Variants in CTNNA2 observed in about 807,000 individuals in gnomAD.
The protein encoded by CTNNA2 is catenin alpha-2.
A neutral mutation model predicts 101.0 loss-of-function variants in CTNNA2; 42 were observed. The observed-to-expected ratio is 0.42, with a 90% CI of 0.32 to 0.54. The LOEUF is 0.54. Ranked by LOEUF, CTNNA2 falls within the 20% of genes least tolerant of loss-of-function variation. The probability of loss-of-function intolerance (pLI) is 0.14; values close to 1 mark genes in which losing one functional copy is unlikely to be tolerated. For synonymous variants in CTNNA2, 450 were observed against 456.4 expected (o/e 0.99, Z 0.18); for missense variants, 871 against 1,223.1 (o/e 0.71, Z 4.29).
chr2:79,960,590 C>T (rs781114722), intron 7 of CTNNA2, among the ~76,000 whole-genome samples: 5 of 152,142 alleles, frequency 3.3e-5, no homozygotes, highest in African/African-American at 1.2e-4. Flanking sequence ...ATGCATCTTC[C>T]GTTAAAAGGT....
chr2:79,233,180 A>G (rs1674517661), intron 2 of CTNNA2, among the ~76,000 whole-genome samples: 1 of 152,126 alleles, frequency 6.6e-6, no homozygotes, highest in African/African-American at 2.4e-5. Context: ...TAACCTCTTG[A>G]TAAAGGTGTT....
chr2:79,442,847 G>C (rs546579461), intron 4 of CTNNA2, among the ~76,000 whole-genome samples: 7 of 152,106 alleles, frequency 4.6e-5, no homozygotes, highest in Admixed American at 2.0e-4. Context: ...AATGACTACT[G>C]TCAGGGCTTG....
chr2:79,826,634 G>T (rs1678458361), intron 3 of CTNNA2, among the ~76,000 whole-genome samples: 1 of 152,314 alleles, frequency 6.6e-6, no homozygotes, highest in South Asian at 2.1e-4. Context: ...ACAGAAAAAT[G>T]TATGTATGTT....
intron 2 of CTNNA2, among the ~76,000 whole-genome samples, chr2:79,729,008 C>A (rs1314489881): frequency 6.6e-6 from 1 of 151,890 alleles, no homozygotes; most frequent in Non-Finnish European, 1.5e-5. Context: ...AGTCAGGTAG[C>A]GTGATGCTAT....
chr2:79,287,135 G>A (rs1012633730), intron 2 of CTNNA2, among the ~76,000 whole-genome samples: 2 of 151,990 alleles, frequency 1.3e-5, no homozygotes, highest in Admixed American at 1.3e-4. Flanking sequence ...CTCTGTATTG[G>A]TTATTCTAGT....
At chr2:80,310,927 C>T (rs1677507955) in intron 7 of CTNNA2, among the ~76,000 whole-genome samples, 1 of 148,058 alleles carries the variant, frequency 6.8e-6, no homozygotes, top group Non-Finnish European at 1.5e-5. Context: ...GATCTGAGAT[C>T]GCGCTACTGC....
At chr2:79,187,379 G>A (rs1221011715) in intron 1 of CTNNA2, among the ~76,000 whole-genome samples, 1 of 150,044 alleles carries the variant, frequency 6.7e-6, no homozygotes, top group Non-Finnish European at 1.5e-5. Flanking sequence ...AAGCAATTCA[G>A]TGCAGTGGCG....
chr2:79,605,966 T>A (rs1366962201), intron 1 of CTNNA2, among the ~76,000 whole-genome samples: 2 of 151,494 alleles, frequency 1.3e-5, no homozygotes, highest in African/African-American at 4.9e-5. Flanking sequence ...AAGAGAGAAA[T>A]CAGTGGAATT....
At chr2:80,146,619 T>C (rs1276952281) in intron 7 of CTNNA2, among the ~76,000 whole-genome samples, 1 of 151,260 alleles carries the variant, frequency 6.6e-6, no homozygotes, top group Non-Finnish European at 1.5e-5. Flanking sequence ...CACGAGACTC[T>C]CACTTTAACT....
At chr2:79,402,407 G>T (rs566558484) in intron 4 of CTNNA2, among the ~76,000 whole-genome samples, 3 of 151,766 alleles carry the variant, frequency 2.0e-5, no homozygotes, top group African/African-American at 4.8e-5. Flanking sequence ...ACTCCCAGTG[G>T]TTGCCTGAAA....
intron 2 of CTNNA2, among the ~76,000 whole-genome samples, chr2:79,258,219 A>AT (rs1351342858): frequency 2.6e-5 from 4 of 152,072 alleles, no homozygotes; most frequent in South Asian, 4.1e-4. Context: ...GCCAAGCAGA[A>AT]TTTTTTTTCA....
chr2:80,224,557 G>C (rs997904253), intron 7 of CTNNA2, among the ~76,000 whole-genome samples: 1 of 152,054 alleles, frequency 6.6e-6, no homozygotes, highest in Non-Finnish European at 1.5e-5. Flanking sequence ...CGATTCTCCT[G>C]CCTCAGCCTC....
chr2:80,626,762 C>A (rs570889370), intron 18 of CTNNA2, among the ~76,000 whole-genome samples: 4 of 151,940 alleles, frequency 2.6e-5, no homozygotes, highest in African/African-American at 9.7e-5. Context: ...ATGTGCAGAA[C>A]GTACAGGTTT....
chr2:79,640,208 GAA>G (rs1211259726), intron 1 of CTNNA2, among the ~76,000 whole-genome samples: 1 of 152,090 alleles, frequency 6.6e-6, no homozygotes, highest in Non-Finnish European at 1.5e-5. Flanking sequence ...TCAGAGAAAA[GAA>G]AAGTCACTAG....
At chr2:79,939,905 C>A (rs1272894675) in intron 7 of CTNNA2, among the ~76,000 whole-genome samples, 1 of 152,060 alleles carries the variant, frequency 6.6e-6, no homozygotes, top group Non-Finnish European at 1.5e-5. Flanking sequence ...CCAGCCTGAC[C>A]AACAGGGAGA....
At chr2:80,540,261 G>A (rs1558565665) in intron 9 of CTNNA2, among the ~76,000 whole-genome samples, 1 of 152,106 alleles carries the variant, frequency 6.6e-6, no homozygotes, top group Non-Finnish European at 1.5e-5. Flanking sequence ...AGTTTCTGAT[G>A]TTGTAACAGA....
At chr2:80,409,831 G>T (rs1418751975) in intron 8 of CTNNA2, among the ~76,000 whole-genome samples, 1 of 152,088 alleles carries the variant, frequency 6.6e-6, no homozygotes, top group African/African-American at 2.4e-5. Context: ...TGGCATTTGT[G>T]TAGATTTTTC....
At chr2:80,090,798 A>G (rs1193675655) in intron 7 of CTNNA2, among the ~76,000 whole-genome samples, 1 of 152,096 alleles carries the variant, frequency 6.6e-6, no homozygotes, top group East Asian at 1.9e-4. Context: ...AACATCACAT[A>G]ATGAATTGAG....
At chr2:79,340,572 G>A (rs11682199) in intron 3 of CTNNA2, among the ~76,000 whole-genome samples, 14 of 152,036 alleles carry the variant, frequency 9.2e-5, no homozygotes, top group East Asian at 1.9e-4. Flanking sequence ...GGTGGCTCAC[G>A]CCTGTAATCC....
Sources: allele counts gnomAD v4.1 joint callset (sites outside exome capture counted in the v4.1 genomes callset), GRCh38; gene constraint gnomAD v4.1.1; transcripts MANE v1.5; gene names NCBI Gene and HGNC (gene_info 2026-07-23, HGNC 2026-07-21).